ATAD1: variants seen among roughly 807,000 people sequenced by gnomAD.
ATAD1 encodes outer mitochondrial transmembrane helix translocase.
ATAD1 carries 18 observed loss-of-function variants against 42.7 expected under a neutral mutation model. The ratio of observed to expected loss-of-function variants is 0.42; its 90% CI spans 0.29 to 0.63. The LOEUF (loss-of-function observed/expected upper bound fraction) is 0.63, where lower values mean the gene tolerates loss of function less well. ATAD1 is among the 20% of genes least tolerant of loss of function. ATAD1 has a pLI of 0.19. For synonymous variants in ATAD1, 132 were observed against 143.1 expected (o/e 0.92, Z 0.55); for missense variants, 294 against 440.4 (o/e 0.67, Z 2.98).
At chr10:87,840,110 A>C (rs1405044773) in intron 1 of ATAD1, among the ~76,000 whole-genome samples, 1 of 152,262 alleles carries the variant, frequency 6.6e-6, no homozygotes, top group Non-Finnish European at 1.5e-5. Context: ...AGAGTTAATC[A>C]GGATACTCTG....
intron 7 of ATAD1, among the ~76,000 whole-genome samples, chr10:87,769,524 T>C (rs1854928240): frequency 6.6e-6 from 1 of 152,218 alleles, no homozygotes; most frequent in Admixed American, 6.5e-5. Flanking sequence ...TAAACATACC[T>C]TCATAAAGCA....
intron 8 of ATAD1, among the ~76,000 whole-genome samples, chr10:87,760,541 T>C (rs537754736): frequency 3.3e-5 from 5 of 152,188 alleles, no homozygotes; most frequent in South Asian, 2.1e-4. Context: ...TAGTTCTTTA[T>C]AGCGGTTTGA....
At chr10:87,755,908 A>T (rs1854200490) in intron 9 of ATAD1, among the ~76,000 whole-genome samples, 1 of 152,168 alleles carries the variant, frequency 6.6e-6, no homozygotes, top group African/African-American at 2.4e-5. Context: ...TCTCAAAAAA[A>T]AGAATAAAAC....
At chr10:87,794,037 C>T (rs1856258895) in intron 2 of ATAD1, among the ~76,000 whole-genome samples, 1 of 151,992 alleles carries the variant, frequency 6.6e-6, no homozygotes, top group Admixed American at 6.6e-5. Context: ...CCAGCCTGGG[C>T]AACACAGACG....
intron 5 of ATAD1, among the ~76,000 whole-genome samples, chr10:87,783,237 A>G (rs905566594): frequency 2.0e-5 from 3 of 151,908 alleles, no homozygotes; most frequent in Non-Finnish European, 4.4e-5. Flanking sequence ...GGTGTGTGGT[A>G]GCACACACCT....
At chr10:87,811,939 T>TA (rs1338117894) in intron 2 of ATAD1, among the ~76,000 whole-genome samples, 2 of 152,220 alleles carry the variant, frequency 1.3e-5, no homozygotes, top group African/African-American at 4.8e-5. Context: ...AAAGATATTA[T>TA]AAGTCTTTGA....
chr10:87,765,864 C>A (rs1854718821), intron 8 of ATAD1, among the ~76,000 whole-genome samples: 1 of 151,836 alleles, frequency 6.6e-6, no homozygotes, highest in East Asian at 1.9e-4. Context: ...ACCATCTCAA[C>A]AAAATAAATA....
At chr10:87,820,929 T>C (rs1857620282), upstream of ATAD1, among the ~76,000 whole-genome samples, 1 of 152,172 alleles carries the variant, frequency 6.6e-6, no homozygotes. Context: ...TGGCCCACAG[T>C]AGGGGCTCAA....
At chr10:87,825,202 G>T (rs746912166) in intron 1 of ATAD1, among the ~76,000 whole-genome samples, 30 of 151,798 alleles carry the variant, frequency 2.0e-4, no homozygotes, top group Admixed American at 5.2e-4. Context: ...AGTGGATTTT[G>T]CACAAGAAAA....
rs778145770 is a variant in ATAD1, at chr10:87,784,590, T to C, written c.463A>G (p.Ile155Val). Residue 155 changes from isoleucine to valine, a missense_variant, in exon 5 of 10, where the codon ATT becomes GTT. Around this residue, in one of 3 missense-constraint regions of ATAD1, gnomAD observed 121 missense variants for 187.3 expected, o/e 0.65. Coordinates refer to ENST00000680024, the MANE Select transcript of ATAD1 (RefSeq NM_001321967.2). The stretch of plus-strand genomic sequence containing the variant: ...GTCAGTGTCGAAGGCTGAAGGTTAA[T>C]AAATCGACAGCCTGCTTCTTTGGCT... ...ATAKEAGCRF[I>V]NLQPSTLTDK... 29 of 1,613,436 alleles carry C rather than the reference T, an allele frequency of 1.8e-5. No homozygotes were observed. The East Asian group carries it at 6.0e-4, about 33-fold the overall frequency.
chr10:87,791,695 G>A (rs1856126884), intron 3 of ATAD1, among the ~76,000 whole-genome samples: 1 of 152,080 alleles, frequency 6.6e-6, no homozygotes, highest in African/African-American at 2.4e-5. Context: ...CTTATTTATA[G>A]CAATATAACA....
chr10:87,802,298 C>T (rs892037272), intron 2 of ATAD1, among the ~76,000 whole-genome samples: 3 of 152,174 alleles, frequency 2.0e-5, no homozygotes, highest in African/African-American at 7.2e-5. Flanking sequence ...ACCTTATCTA[C>T]ACAGTCCCTG....
intron 1 of ATAD1, among the ~76,000 whole-genome samples, chr10:87,838,256 G>T (rs953724144): frequency 6.6e-6 from 1 of 152,024 alleles, no homozygotes; most frequent in Non-Finnish European, 1.5e-5. Flanking sequence ...GCTGGGCGCG[G>T]TGGCTCACGC....
chr10:87,798,250 C>T (rs1160420347), intron 2 of ATAD1, among the ~76,000 whole-genome samples: 1 of 152,092 alleles, frequency 6.6e-6, no homozygotes, highest in Non-Finnish European at 1.5e-5. Flanking sequence ...ACATAAAAAC[C>T]CTAGGCCACA....
At chr10:87,798,485 G>A (rs76352232) in intron 2 of ATAD1, among the ~76,000 whole-genome samples, 4,217 of 151,888 alleles carry the variant, frequency 0.028, 192 homozygotes, top group African/African-American at 0.097. Context: ...TTCATTTCTG[G>A]CTGCTTTGAA....
rs545164165 is a variant in ATAD1, at chr10:87,815,525, A to T, written c.-13-913T>A. 9.2e-5 allele frequency among the ~76,000 whole-genome samples: 14 copies of T among 152,202 alleles called. No homozygotes were observed. The South Asian group carries it at 2.9e-3, about 32-fold the overall frequency. ...ATGGGATATATAAGAAAAAGAGAAT[A>T]TATATTTGTACTTACATAAACATGA... On this transcript the variant is annotated intron_variant, in intron 1 of 9. Coordinates refer to ENST00000680024, the MANE Select transcript of ATAD1 (RefSeq NM_001321967.2).
At position 87,826,060 on chromosome 10, in the gene ATAD1, C is replaced by T. The variant is rs555204633; in HGVS notation, c.-13-11448G>A. Among the ~76,000 whole-genome samples the T allele has an allele frequency of 2.3e-3, 344 of 152,228 alleles. 1 individual carries two copies. Among genetic ancestry groups the T allele is most frequent in the African/African-American group, 7.6e-3 (315 of 41,516 alleles). ...AAATATCTACTAGGCCTTCTTTCAC[C>T]TAGAGGGGCCCAGCAGCAGTTCACT... On this transcript the variant is annotated intron_variant, in intron 1 of 4. Coordinates refer to the ATAD1 transcript ENST00000495903.
intron 1 of ATAD1, chr10:87,832,283 A>C (rs956070145): frequency 1.3e-5 from 2 of 151,928 alleles, no homozygotes; most frequent in Non-Finnish European, 2.9e-5. Context: ...AGTCCCAGCT[A>C]CTTGGGAAGC....
intron 8 of ATAD1, among the ~76,000 whole-genome samples, chr10:87,762,237 C>A (rs571098062): frequency 1.3e-5 from 2 of 152,146 alleles, no homozygotes; most frequent in African/African-American, 4.8e-5. Flanking sequence ...TCATGCAAAA[C>A]GATCCTTCAT....
Sources: gnomAD v4.1 joint callset for allele counts (sites outside exome capture counted in the v4.1 genomes callset) on GRCh38, gnomAD v4.1.1 for gene constraint, gnomAD v4.1.1 regional missense constraint, MANE v1.5 for transcripts, NCBI Gene and HGNC (gene_info 2026-07-23, HGNC 2026-07-21) for gene names.